NNT: variants seen among roughly 807,000 people sequenced by gnomAD.
NNT encodes the protein nicotinamide nucleotide transhydrogenase, also known as NAD(P) transhydrogenase, mitochondrial.
In NNT, 50 loss-of-function variants were observed where a neutral mutation model predicts 104.8. The observed-to-expected ratio is 0.48, with a 90% CI of 0.38 to 0.60. NNT has a LOEUF of 0.60. Among genes scored for constraint, NNT ranks in the 20% least tolerant of loss-of-function variants. The probability of loss-of-function intolerance (pLI) is 0.00; values close to 1 mark genes in which losing one functional copy is unlikely to be tolerated. For missense variants in NNT, 1,131 were observed against 1,330.7 expected (o/e 0.85, Z 2.33); for synonymous variants, 461 against 490.4 (o/e 0.94, Z 0.79).
At chr5:43,638,620 T>C (rs1751058977) in intron 7 of NNT, among the ~76,000 whole-genome samples, 1 of 151,940 alleles carries the variant, frequency 6.6e-6, no homozygotes, top group African/African-American at 2.4e-5. Context: ...TATTTGCTAC[T>C]GTGGAGCTAA....
At chr5:43,654,054 A>T (rs897568392) in intron 14 of NNT, among the ~76,000 whole-genome samples, 1 of 152,216 alleles carries the variant, frequency 6.6e-6, no homozygotes, top group Non-Finnish European at 1.5e-5. Flanking sequence ...ATGAATCAGA[A>T]ACAAAGTTAA....
At chr5:43,684,217 AT>A (rs34939917) in intron 19 of NNT, among the ~76,000 whole-genome samples, 2,593 of 143,878 alleles carry the variant, frequency 0.018, 46 homozygotes, top group African/African-American at 0.05. Context: ...TTCTTTCATA[AT>A]TTTTTTTTTT....
chr5:43,644,944 T>A (rs1425163825), intron 9 of NNT, 142 bp downstream of exon 9: 1 of 625,052 alleles, frequency 1.6e-6, no homozygotes, highest in Admixed American at 3.6e-5. Context: ...TAAAAATTAT[T>A]TGTAAATGCA....
chr5:43,608,130 C>T (rs1749322245), intron 1 of NNT, among the ~76,000 whole-genome samples: 1 of 152,032 alleles, frequency 6.6e-6, no homozygotes, highest in South Asian at 2.1e-4. Flanking sequence ...GGGGTTTCAC[C>T]ATGTTGGTCA....
intron 7 of NNT, among the ~76,000 whole-genome samples, chr5:43,631,075 T>A (rs1038489997): frequency 1.3e-5 from 2 of 152,228 alleles, no homozygotes; most frequent in South Asian, 4.1e-4. Context: ...TGTGTTTTTC[T>A]TTCTGTCCTC....
At chr5:43,684,221 T>G (rs980894310) in intron 19 of NNT, among the ~76,000 whole-genome samples, 9 of 151,946 alleles carry the variant, frequency 5.9e-5, no homozygotes, top group African/African-American at 2.2e-4. Context: ...TTCATAATTT[T>G]TTTTTTTTTT....
At chr5:43,650,055 C>A (rs1739673726) in intron 11 of NNT, among the ~76,000 whole-genome samples, 1 of 152,206 alleles carries the variant, frequency 6.6e-6, no homozygotes. Context: ...AGCTAGGCAT[C>A]CCCAGCAGGC....
chr5:43,688,812 T>C (rs13175037), intron 19 of NNT, among the ~76,000 whole-genome samples: 4,268 of 152,364 alleles, frequency 0.028, 87 homozygotes, highest in South Asian at 0.054. Flanking sequence ...GCATTTGGGC[T>C]GGTTCCATAT....
At chr5:43,672,160 C>T (rs1028275089) in intron 17 of NNT, among the ~76,000 whole-genome samples, 1 of 152,154 alleles carries the variant, frequency 6.6e-6, no homozygotes, top group African/African-American at 2.4e-5. Context: ...CTTCTCTACA[C>T]TGTTTATTCT....
intron 7 of NNT, among the ~76,000 whole-genome samples, chr5:43,632,605 A>G (rs1045947966): frequency 4.6e-5 from 7 of 152,252 alleles, no homozygotes; most frequent in South Asian, 2.1e-4. Flanking sequence ...TAAAGGTGAG[A>G]ATTTCACTTA....
intron 2 of NNT, among the ~76,000 whole-genome samples, chr5:43,612,466 G>C (rs912519261): frequency 6.6e-6 from 1 of 152,210 alleles, no homozygotes; most frequent in Admixed American, 6.5e-5. Context: ...AACTTTGAGT[G>C]TGGCAGGCCA....
At chr5:43,664,696 T>G (rs916962312) in intron 17 of NNT, among the ~76,000 whole-genome samples, 2 of 151,994 alleles carry the variant, frequency 1.3e-5, no homozygotes, top group South Asian at 4.2e-4. Flanking sequence ...TCTGGAACAG[T>G]GGTCATAGGA....
At chr5:43,623,961 A>C (rs1750229309) in intron 5 of NNT, 71 bp from the exon 6 acceptor site, 2 of 1,411,494 alleles carry the variant, frequency 1.4e-6, no homozygotes, top group African/African-American at 2.8e-5. Flanking sequence ...AGGCACCAAT[A>C]ATTGTTAGCT....
intron 19 of NNT, among the ~76,000 whole-genome samples, chr5:43,693,815 G>GACCACCT (rs1255417943): frequency 2.6e-5 from 4 of 152,174 alleles, no homozygotes; most frequent in Non-Finnish European, 5.9e-5. Context: ...GAGGTTGGAT[G>GACCACCT]ACCACCTAAA....
At chr5:43,699,989 A>C in intron 19 of NNT, 130 bp from the exon 20 acceptor site, 3 of 632,656 alleles carry the variant, frequency 4.7e-6, no homozygotes, top group Non-Finnish European at 8.5e-6. Context: ...TTCATTCTGT[A>C]GAGATCAGAT....
intron 8 of NNT, 100 bp downstream of exon 8, chr5:43,644,425 A>C: frequency 6.9e-7 from 1 of 1,452,884 alleles, no homozygotes. Context: ...AAGGCTTGAA[A>C]TTTTAAAATT....
chr5:43,636,023 CAG>C (rs1750913287), intron 7 of NNT, among the ~76,000 whole-genome samples: 1 of 152,084 alleles, frequency 6.6e-6, no homozygotes, highest in South Asian at 2.1e-4. Context: ...CATTGGAAAA[CAG>C]AGGAAGGGTC....
intron 17 of NNT, among the ~76,000 whole-genome samples, chr5:43,661,366 C>T (rs1003872021): frequency 4.0e-5 from 6 of 151,894 alleles, no homozygotes; most frequent in Admixed American, 1.3e-4. Context: ...ATTACTTAAA[C>T]TTGCGGTTTG....
chr5:43,659,104 A>G (rs1447771905), intron 16 of NNT, 67 bp from the exon 17 acceptor site: 8 of 1,431,232 alleles, frequency 5.6e-6, no homozygotes, highest in African/African-American at 1.4e-5. Context: ...AAGGAGCAAA[A>G]TGTTAAATGT....
Sources: allele counts gnomAD v4.1 joint callset (sites outside exome capture counted in the v4.1 genomes callset), GRCh38; gene constraint gnomAD v4.1.1; transcripts MANE v1.5; gene names NCBI Gene and HGNC (gene_info 2026-07-23, HGNC 2026-07-21).